The following EXOC3L2 variants were observed in gnomAD, a reference collection of about 807,000 sequenced individuals.
EXOC3L2 encodes exocyst complex component 3 like 2.
Under a neutral mutation model 44.4 loss-of-function variants are expected in EXOC3L2, and 17 were observed. The observed-to-expected ratio is 0.38, with a 90% CI of 0.26 to 0.57. The LOEUF (loss-of-function observed/expected upper bound fraction) is 0.57. EXOC3L2 is among the 20% of genes least tolerant of loss of function. The probability of loss-of-function intolerance (pLI) is 0.65; values close to 1 mark genes in which losing one functional copy is unlikely to be tolerated. For synonymous variants in EXOC3L2, 256 were observed against 253.7 expected, an observed-to-expected ratio of 1.01 and a Z score of -0.09; for missense variants, 541 against 588.4, an observed-to-expected ratio of 0.92 and a Z score of 0.83.
chr19:45,216,189 G>A lies in EXOC3L2; in HGVS notation c.2004C>T (p.Ser668=), dbSNP rs1203727103. Reference sequence around the variant, plus strand: ...CCACGGCATCCAGCCACGAGGCCTGGGACTCCTGCAGGGGAGGGAGGGTGC... The same window carrying A: ...CCACGGCATCCAGCCACGAGGCCTGAGACTCCTGCAGGGGAGGGAGGGTGC... The part of the protein sequence containing the change: ...QLQRLFRRLE[S]QASWLDAVVP... Residue 668 remains serine (S), a synonymous_variant, in exon 11 of 12, where the codon TCC becomes TCT. Transcript: ENST00000413988. 8.1e-6 allele frequency: 13 copies of A among 1,613,708 alleles called. No homozygotes were observed. Among genetic ancestry groups the A allele is most frequent in the Non-Finnish European group, 1.1e-5 (13 of 1,179,924 alleles).
chr19:45,232,963 C>T (rs1238686861), intron 3 of EXOC3L2, among the ~76,000 whole-genome samples: 1 of 152,060 alleles, frequency 6.6e-6, no homozygotes, highest in Non-Finnish European at 1.5e-5. Context: ...TGCGTGTAAT[C>T]CCAACACTTT....
Position 45,218,225 on chromosome 19 carries a change from A to G in EXOC3L2, c.1814T>C (p.Leu605Pro). ...VGTLGAQALA[L>P]RRMQDEPYQA... The stretch of plus-strand genomic sequence containing the variant: ...GTAAGGCTCGTCCTGCATTCTGCGC[A>G]GGGCCAGGGCCTGGGCACCCAGCGT... Residue 605 changes from leucine to proline, a missense_variant, in exon 9 of 12, where the codon CTG (leucine) becomes CCG (proline). Leu to Pro is a moderately conservative substitution (Grantham distance 98). Transcript: ENST00000413988. 1 of 1,482,200 alleles carries G rather than the reference A, an allele frequency of 6.7e-7. No individual in the cohort carries two copies. Among genetic ancestry groups the G allele is most frequent in the Non-Finnish European group, 9.0e-7 (1 of 1,110,858 alleles). 91.8% of individuals were successfully genotyped at this position (1,482,200 alleles called of 1,614,324 possible). A position where few individuals can be genotyped will look rare whatever the true frequency, so the allele number is the denominator to read the frequency against.
Position 45,224,876 on chromosome 19 carries a change from C to T in EXOC3L2, c.1621G>A (p.Glu541Lys). The T allele has an allele frequency of 5.1e-6, 8 of 1,571,974 alleles. No individual in the cohort carries two copies. The highest frequency in any genetic ancestry group is 6.9e-6 in the Non-Finnish European group (8 of 1,157,172). ...AERLARVGPP[E>K]SEPAREASAS... is the part of the protein sequence containing the mutation. The stretch of plus-strand genomic sequence containing the variant: ...GATGCTTCCCGGGCCGGCTCGCTTT[C>T]TGGGGGCCCCACCCGGGCCAGGCGC... Residue 541 changes from glutamate (E) to lysine (K), a missense_variant, in exon 8 of 12, where the codon GAA (glutamate) becomes AAA (lysine). Physicochemically the swap from Glu to Lys is moderately conservative, Grantham distance 56. Transcript: ENST00000413988.
At position 45,238,621 on chromosome 19, in the gene EXOC3L2, C is replaced by T. The variant is rs942007594; in HGVS notation, c.425G>A (p.Arg142His). The T allele has an allele frequency of 3.5e-5, 14 of 399,290 alleles. No homozygotes were observed. Among genetic ancestry groups the T allele is most frequent in the Middle Eastern group, 1.3e-3 (2 of 1,592 alleles). The allele number at this position is 399,290 out of a possible 1,614,324, so 24.7% of individuals were successfully genotyped here. The change falls in exon 2 of 12, where the codon CGT becomes CAT. Residue 142 changes from arginine to histidine, a missense_variant. Coordinates refer to ENST00000413988, the MANE Select transcript of EXOC3L2 (RefSeq NM_001382422.1). This position sits in a 1 kb window ranked among gnomAD's most constrained non-coding sequence, Gnocchi z 5.5. ...CACCACTCTCTCAGCCAGGGACGCA[C>T]GCTGGGGCTTGGATCCACGCCCCAG... is the stretch of plus-strand genomic sequence containing the variant. ...LRLGRGSKPQ[R>H]ASLAERVVPA...
chr19:45,221,319 C>A (rs1969895179), intron 8 of EXOC3L2, among the ~76,000 whole-genome samples: 1 of 151,084 alleles, frequency 6.6e-6, no homozygotes, highest in African/African-American at 2.4e-5. Context: ...GCTGGGATTA[C>A]AGGTGAGAGC....
Position 45,231,950 on chromosome 19 carries a change from T to G in EXOC3L2, c.1158-76A>C, listed in dbSNP as rs570910837. 23 of 869,028 alleles carry G rather than the reference T, an allele frequency of 2.6e-5. No individual in the cohort carries two copies. The South Asian group carries it at 4.5e-4, about 17-fold the overall frequency. 53.8% of individuals were successfully genotyped at this position (869,028 alleles called of 1,614,324 possible). ...AGTTGGAACCTTCCCCACACCCTCC[T>G]ACCCACTGTTTCTGTGACCCTGGGC... On this transcript the variant is annotated intron_variant, in intron 3 of 11. Coordinates refer to ENST00000413988, the MANE Select transcript of EXOC3L2 (RefSeq NM_001382422.1).
Position 45,245,173 on chromosome 19 carries a change from G to T in EXOC3L2, c.-17+168C>A, listed in dbSNP as rs546591970. 2.6e-5 allele frequency among the ~76,000 whole-genome samples: 4 copies of T among 151,520 alleles called. No individual in the cohort carries two copies. In the East Asian group the frequency reaches 7.8e-4, roughly 30 times the overall value. On this transcript the variant is annotated intron_variant, in intron 1 of 11. Coordinates refer to ENST00000413988, the MANE Select transcript of EXOC3L2 (RefSeq NM_001382422.1). ...ATTTTCATCTCCTTTCTGCCTTCTC[G>T]CCAGCACCCCTCTGGAGTCAGGCCC...
At chr19:45,224,039 G>A (rs1368790208) in intron 8 of EXOC3L2, among the ~76,000 whole-genome samples, 1 of 152,052 alleles carries the variant, frequency 6.6e-6, no homozygotes, top group Non-Finnish European at 1.5e-5. Flanking sequence ...CTATGTGGCT[G>A]TGAGAGGGAG....
In EXOC3L2 at chr19:45,239,862, G is replaced by T. The variant is rs1432778824; in HGVS notation, c.-16-801C>A. Among the ~76,000 whole-genome samples the T allele has an allele frequency of 1.2e-4, 18 of 151,894 alleles. No individual in the cohort carries two copies. In the South Asian group the frequency reaches 1.5e-3, roughly 12 times the overall value. Reference sequence around the variant, plus strand: ...TAAGTTGATCCTCCTACTCCGTGGAGAAACAGGCTGAGAGGGGGGAAGGCT... The same window carrying T: ...TAAGTTGATCCTCCTACTCCGTGGATAAACAGGCTGAGAGGGGGGAAGGCT... On this transcript the variant is annotated intron_variant, in intron 1 of 11. Coordinates refer to ENST00000413988, the MANE Select transcript of EXOC3L2 (RefSeq NM_001382422.1).
At chr19:45,233,815 A>AAAAGTAGC in intron 3 of EXOC3L2, among the ~76,000 whole-genome samples, 1 of 152,282 alleles carries the variant, frequency 6.6e-6, no homozygotes, top group East Asian at 1.9e-4. Flanking sequence ...TTAGGAACGG[A>AAAAGTAGC]AAAGTAGCAA....
At chr19:45,237,665 G>C (rs560176424) in intron 2 of EXOC3L2, among the ~76,000 whole-genome samples, 1 of 152,140 alleles carries the variant, frequency 6.6e-6, no homozygotes, top group African/African-American at 2.4e-5. Flanking sequence ...TGGGGACTGA[G>C]GATGAAGACA....
rs1464794098 is a variant in EXOC3L2 at position 45,228,113 on chromosome 19, C to T, written c.1372-39G>A. On this transcript the variant is annotated intron_variant, in intron 5 of 11. Coordinates refer to ENST00000413988, the MANE Select transcript of EXOC3L2 (RefSeq NM_001382422.1). Reference sequence around the variant, plus strand: ...GGCGACAAGAAGAGGTGAGGAGGGGCAAGGTCCCACTTTCCATCCAGCCCA... The same window carrying T: ...GGCGACAAGAAGAGGTGAGGAGGGGTAAGGTCCCACTTTCCATCCAGCCCA... 3 of 1,613,698 alleles carry T rather than the reference C, an allele frequency of 1.9e-6. No homozygotes were observed. In the East Asian group the frequency reaches 6.7e-5, roughly 36 times the overall value.
At position 45,214,427 on chromosome 19, in the gene EXOC3L2, GTGC is replaced by G. The variant is rs1051650155; in HGVS notation, c.2121-1073_2121-1071del. 4.1e-4 allele frequency among the ~76,000 whole-genome samples: 62 copies of G among 152,236 alleles called. 1 individual carries two copies. In the Middle Eastern group the frequency reaches 0.01, roughly 25 times the overall value. On this transcript the variant is annotated intron_variant, in intron 11 of 11. Coordinates refer to ENST00000413988, the MANE Select transcript of EXOC3L2 (RefSeq NM_001382422.1). Reference sequence around the variant, plus strand: ...CAGCACTGTCACATGGTGGTGTGGTGTGCTGATCTGGTACACTAGTTTTTTTGT... The same window carrying G: ...CAGCACTGTCACATGGTGGTGTGGTGTGATCTGGTACACTAGTTTTTTTGT...
At chr19:45,231,642 G>T in intron 4 of EXOC3L2, 121 bp downstream of exon 4, 1 of 832,354 alleles carries the variant, frequency 1.2e-6, no homozygotes, top group Non-Finnish European at 1.9e-6. Flanking sequence ...GAACTCAGAA[G>T]TTCGTAAAGG....
At chr19:45,216,588 G>T (rs1969837723) in intron 10 of EXOC3L2, 1 of 153,324 alleles carries the variant, frequency 6.5e-6, no homozygotes, top group Non-Finnish European at 1.5e-5. Context: ...CAAAAATAAA[G>T]AATAAAAATA....
In EXOC3L2 at chr19:45,244,324, A is replaced by T. The variant is rs146894692; in HGVS notation, c.-17+1017T>A. Among the ~76,000 whole-genome samples the T allele has an allele frequency of 4.3e-3, 627 of 144,254 alleles. 4 individuals are homozygous for T. Among genetic ancestry groups the T allele is most frequent in the Non-Finnish European group, 7.4e-3 (461 of 62,450 alleles). The allele number at this position is 144,254 out of a possible 152,430, so 94.6% of individuals were successfully genotyped here. On this transcript the variant is annotated intron_variant, in intron 1 of 11. Coordinates refer to ENST00000413988, the MANE Select transcript of EXOC3L2 (RefSeq NM_001382422.1). ...TAACTGTCTCCATCTTCCTCTCAAA[A>T]TTTCAGGCTCGAATTTCCCTCCAAT...
chr19:45,234,647 G>T lies in EXOC3L2; in HGVS notation c.703C>A (p.Gln235Lys). The T allele has an allele frequency of 2.8e-6, 1 of 362,082 alleles. No individual in the cohort carries two copies. Among genetic ancestry groups the T allele is most frequent in the Non-Finnish European group, 4.9e-6 (1 of 202,572 alleles). 22.4% of individuals were successfully genotyped at this position (362,082 alleles called of 1,614,324 possible). ...RDVALLYEAL[Q>K]RELWALVRET... ...CGCACCAGCGCCCACAGCTCGCGCT[G>T]CAGGGCCTCGTACAGCAGCGCCACG... The change falls in exon 3 of 12, where the codon CAG (glutamine) becomes AAG (lysine). Residue 235 changes from glutamine to lysine, a missense_variant. By Grantham distance (53) the Gln-to-Lys change is moderately conservative. Transcript: ENST00000413988. The surrounding 1 kb of genome is among the most constrained non-coding windows in gnomAD (Gnocchi z 5.0).
At chr19:45,215,959 G>T in intron 11 of EXOC3L2, 114 bp downstream of exon 11, 1 of 1,458,444 alleles carries the variant, frequency 6.9e-7, no homozygotes, top group South Asian at 1.3e-5. Flanking sequence ...ACGGCCGTCA[G>T]ACACGCTCAC....
chr19:45,227,884 A>G, intron 6 of EXOC3L2, 90 bp downstream of exon 6: 4 of 1,473,070 alleles, frequency 2.7e-6, no homozygotes, highest in Non-Finnish European at 3.7e-6. Context: ...TCCTCAGGTG[A>G]CTCCCTCTCA....
Sources: allele counts gnomAD v4.1 joint callset (sites outside exome capture counted in the v4.1 genomes callset), GRCh38; gene constraint gnomAD v4.1.1; non-coding constraint Gnocchi (gnomAD v3.1); transcripts MANE v1.5; gene names NCBI Gene and HGNC (gene_info 2026-07-23, HGNC 2026-07-21).